Variants in CDH4 observed in about 807,000 individuals in gnomAD.
CDH4 encodes the protein cadherin-4.
A neutral mutation model predicts 86.0 loss-of-function variants in CDH4; 33 were observed. The observed-to-expected ratio is 0.38, with a 90% CI of 0.29 to 0.51. The LOEUF (loss-of-function observed/expected upper bound fraction) is 0.51. Ranked by LOEUF, CDH4 falls within the 20% of genes least tolerant of loss-of-function variation. The pLI, the probability that CDH4 is intolerant of heterozygous loss-of-function variation, is 0.86. For synonymous variants in CDH4, 555 were observed against 549.4 expected, an observed-to-expected ratio of 1.01 and a Z score of -0.14; for missense variants, 1,114 against 1,307.4, an observed-to-expected ratio of 0.85 and a Z score of 2.28.
intron 2 of CDH4, among the ~76,000 whole-genome samples, chr20:61,598,157 G>A (rs938752045): frequency 2.0e-5 from 3 of 152,130 alleles, no homozygotes; most frequent in African/African-American, 7.2e-5. Context: ...CCTCTTGGGG[G>A]CATGCTGGAT....
intron 2 of CDH4, among the ~76,000 whole-genome samples, chr20:61,490,994 C>T (rs2085623007): frequency 6.6e-6 from 1 of 152,144 alleles, no homozygotes; most frequent in Non-Finnish European, 1.5e-5. Flanking sequence ...AATTTCTCGC[C>T]CACACTGGAT....
intron 4 of CDH4, among the ~76,000 whole-genome samples, chr20:61,809,766 G>A (rs912793951): frequency 1.2e-4 from 18 of 152,216 alleles, no homozygotes; most frequent in African/African-American, 4.1e-4. Flanking sequence ...CTGTTTGGAC[G>A]AAGGCAGAAC....
chr20:61,562,661 C>T (rs1469374863), intron 2 of CDH4, among the ~76,000 whole-genome samples: 1 of 152,246 alleles, frequency 6.6e-6, no homozygotes, highest in East Asian at 1.9e-4. Flanking sequence ...GTTCAGACCA[C>T]CTGTGGTTGA....
At chr20:61,466,882 C>T (rs779324997) in intron 2 of CDH4, among the ~76,000 whole-genome samples, 1 of 135,992 alleles carries the variant, frequency 7.4e-6, no homozygotes, top group Non-Finnish European at 1.5e-5. Flanking sequence ...TCAGTCCTCT[C>T]CTTGCAAGTA....
At chr20:61,777,667 GACAC>G (rs1289410438) in intron 4 of CDH4, among the ~76,000 whole-genome samples, 3 of 100,392 alleles carry the variant, frequency 3.0e-5, no homozygotes, top group Admixed American at 2.0e-4. Context: ...TGCATACAAA[GACAC>G]ACACCCATAC....
Position 61,684,071 on chromosome 20 carries a change from T to C in CDH4, c.170-59492T>C, listed in dbSNP as rs1391301522. ...GTCTGTTTGGTGCTTCTTCCCTGTG[T>C]GTGGATTCATTTAACAGGGTTGGCT... On this transcript the variant is annotated intron_variant, in intron 2 of 15. Transcript: ENST00000614565. This position sits in a 1 kb window ranked among gnomAD's most constrained non-coding sequence, Gnocchi z 4.5. 1.3e-5 allele frequency among the ~76,000 whole-genome samples: 2 copies of C among 152,250 alleles called. No individual in the cohort carries two copies. The highest frequency in any genetic ancestry group is 2.9e-5 in the Non-Finnish European group (2 of 68,046).
rs910859034 is a variant in CDH4, at chr20:61,516,790, G to A, written c.170-226773G>A. On this transcript the variant is annotated intron_variant, in intron 2 of 15. Transcript: ENST00000614565. The surrounding 1 kb of genome is among the most constrained non-coding windows in gnomAD (Gnocchi z 4.0). ...CCAGGTCAGTGAGTGTCGGTTTGGC[G>A]ATCACACTTGCTTTCTTCTTGGGAA... Among the ~76,000 whole-genome samples, 1 of 152,114 alleles carries A rather than the reference G, an allele frequency of 6.6e-6. No individual in the cohort carries two copies. The highest frequency in any genetic ancestry group is 2.4e-5 in the African/African-American group (1 of 41,414).
intron 2 of CDH4, among the ~76,000 whole-genome samples, chr20:61,731,153 C>T (rs538432039): frequency 5.3e-5 from 8 of 152,140 alleles, no homozygotes; most frequent in East Asian, 1.9e-4. Flanking sequence ...TGAGGGCGTC[C>T]GAGTCCCCCC....
In CDH4 at chr20:61,811,532, G is replaced by T. The variant is rs1980433700; in HGVS notation, c.577-33136G>T. On this transcript the variant is annotated intron_variant, in intron 4 of 15. Transcript: ENST00000614565. This position sits in a 1 kb window ranked among gnomAD's most constrained non-coding sequence, Gnocchi z 4.4. ...ACCAGTTAGAAATGGGAAAATGGTG[G>T]TTCCCTAGCCCAGAACATCCCAGGG... Among the ~76,000 whole-genome samples, 1 of 152,036 alleles carries T rather than the reference G, an allele frequency of 6.6e-6. No individual in the cohort carries two copies. The highest frequency in any genetic ancestry group is 6.5e-5 in the Admixed American group (1 of 15,276).
intron 2 of CDH4, among the ~76,000 whole-genome samples, chr20:61,731,117 G>A (rs79392202): frequency 1.1e-3 from 167 of 152,138 alleles, no homozygotes; most frequent in South Asian, 9.4e-3. Context: ...GGCCCATCAC[G>A]GCAGGGTCCT....
intron 2 of CDH4, among the ~76,000 whole-genome samples, chr20:61,460,186 A>G (rs1341074043): frequency 1.3e-5 from 2 of 152,238 alleles, no homozygotes; most frequent in Non-Finnish European, 2.9e-5. Context: ...CTCGGCTAGC[A>G]CATAATAAAC....
rs575147640 is a variant in CDH4 at position 61,938,940 on chromosome 20, C to G, written c.*1997C>G. ...TCACTGTGCCACGTGCTGGGTGCCCCCCTCTGCAGACAGCCAGTCCAGGAG... is the reference window on the plus strand; with the variant it reads ...TCACTGTGCCACGTGCTGGGTGCCCGCCTCTGCAGACAGCCAGTCCAGGAG... On this transcript the variant is annotated 3_prime_UTR_variant, in exon 16 of 16. Coordinates refer to ENST00000614565, the MANE Select transcript of CDH4 (RefSeq NM_001794.5). 6.6e-6 allele frequency: 1 copy of G among 152,428 alleles called. No homozygotes were observed. Among genetic ancestry groups the G allele is most frequent in the East Asian group, 1.9e-4 (1 of 5,174 alleles). The allele number at this position is 152,428 out of a possible 1,614,324, so 9.4% of individuals were successfully genotyped here.
At chr20:61,383,357 G>GGATATATATGAATATAT (rs2084920118) in intron 2 of CDH4, among the ~76,000 whole-genome samples, 1 of 15,880 alleles carries the variant, frequency 6.3e-5, no homozygotes, top group African/African-American at 3.5e-4. Context: ...GAATATATAT[G>GGATATATATGAATATAT]GATATATATG....
chr20:61,602,698 A>AAAAG (rs1448652508), intron 2 of CDH4, among the ~76,000 whole-genome samples: 25 of 136,598 alleles, frequency 1.8e-4, no homozygotes, highest in African/African-American at 6.1e-4. Flanking sequence ...CTTTATTAAA[A>AAAAG]AAAAAAAAAA....
At chr20:61,360,461 T>C (rs1224903387) in intron 2 of CDH4, among the ~76,000 whole-genome samples, 1 of 152,172 alleles carries the variant, frequency 6.6e-6, no homozygotes, top group Middle Eastern at 3.2e-3. Flanking sequence ...TCCTGGACAG[T>C]TGGCATCTGC....
At chr20:61,863,312 G>T (rs896284336) in intron 6 of CDH4, among the ~76,000 whole-genome samples, 6 of 152,204 alleles carry the variant, frequency 3.9e-5, no homozygotes, top group Non-Finnish European at 8.8e-5. Context: ...GTCCCAACTC[G>T]CTGCTTCCTT....
At chr20:61,461,620 C>T (rs939346067) in intron 2 of CDH4, among the ~76,000 whole-genome samples, 5 of 152,072 alleles carry the variant, frequency 3.3e-5, no homozygotes, top group South Asian at 2.1e-4. Flanking sequence ...GGAGGTGGCC[C>T]GCAACGGGGG....
chr20:61,330,108 T>C (rs1013926059), intron 2 of CDH4, among the ~76,000 whole-genome samples: 1 of 152,204 alleles, frequency 6.6e-6, no homozygotes, highest in Non-Finnish European at 1.5e-5. Flanking sequence ...TTCTGTTGAT[T>C]CCATGTCTTT....
At chr20:61,733,104 G>A (rs968248536) in intron 2 of CDH4, among the ~76,000 whole-genome samples, 6 of 152,104 alleles carry the variant, frequency 3.9e-5, no homozygotes, top group Non-Finnish European at 7.4e-5. Context: ...GGCCCAGGGC[G>A]AGGTGGGGAG....
Sources: allele counts gnomAD v4.1 joint callset (sites outside exome capture counted in the v4.1 genomes callset), GRCh38; gene constraint gnomAD v4.1.1; non-coding constraint Gnocchi (gnomAD v3.1); transcripts MANE v1.5; gene names NCBI Gene and HGNC (gene_info 2026-07-23, HGNC 2026-07-21).